The following SEC14L1 variants were observed in gnomAD, a reference collection of about 807,000 sequenced individuals.
The protein encoded by SEC14L1 is SEC14-like protein 1.
SEC14L1 carries 48 observed loss-of-function variants against 85.3 expected under a neutral mutation model. The ratio of observed to expected loss-of-function variants is 0.56; its 90% CI spans 0.45 to 0.72. SEC14L1 has a LOEUF of 0.72. Among genes scored for constraint, SEC14L1 ranks in the 30% least tolerant of loss-of-function variants. SEC14L1 has a pLI of 0.00. For synonymous variants in SEC14L1, 391 were observed against 355.5 expected, an observed-to-expected ratio of 1.10 and a Z score of -1.12; for missense variants, 682 against 921.4, an observed-to-expected ratio of 0.74 and a Z score of 3.36.
intron 3 of SEC14L1, among the ~76,000 whole-genome samples, chr17:77,157,782 T>A (rs1195039007): frequency 6.6e-6 from 1 of 152,192 alleles, no homozygotes; most frequent in Non-Finnish European, 1.5e-5. Context: ...TGCCTTGGCC[T>A]CCCAAAGTAT....
At chr17:77,203,342 A>T (rs559601196) in intron 9 of SEC14L1, among the ~76,000 whole-genome samples, 216 of 152,292 alleles carry the variant, frequency 1.4e-3, no homozygotes, top group African/African-American at 5.1e-3. Context: ...GACCCTGCAC[A>T]GCTACCCTGT....
Position 77,200,682 on chromosome 17 carries a change from T to A in SEC14L1, c.1009+9T>A. 6.2e-7 allele frequency: 1 copy of A among 1,609,234 alleles called. No individual in the cohort carries two copies. The highest frequency in any genetic ancestry group is 1.3e-5 in the African/African-American group (1 of 74,816). On this transcript the variant is annotated intron_variant, in intron 9 of 16. Coordinates refer to ENST00000436233, the MANE Select transcript of SEC14L1 (RefSeq NM_001143998.2). ...GCATCATCACGACAAAGGTACCGGA[T>A]GGAGTTGAAACTGTGTTTCCATCGT... is the stretch of plus-strand genomic sequence containing the variant.
At chr17:77,151,786 T>C (rs1288337568) in intron 3 of SEC14L1, among the ~76,000 whole-genome samples, 2 of 152,304 alleles carry the variant, frequency 1.3e-5, no homozygotes, top group East Asian at 1.9e-4. Flanking sequence ...GAGGATGGCT[T>C]GAGGCCAGGA....
At chr17:77,180,778 T>C (rs528049408) in intron 3 of SEC14L1, among the ~76,000 whole-genome samples, 2 of 152,250 alleles carry the variant, frequency 1.3e-5, no homozygotes, top group African/African-American at 4.8e-5. Context: ...CCGTAACTGC[T>C]GGGATCCTGA....
chr17:77,209,573 C>T (rs1976642098), intron 14 of SEC14L1, 97 bp downstream of exon 14: 2 of 1,328,064 alleles, frequency 1.5e-6, no homozygotes, highest in Non-Finnish European at 2.0e-6. Context: ...CAGAACAGTC[C>T]ACTCGTTTTT....
At chr17:77,140,178 T>C (rs1022790746), upstream of SEC14L1, among the ~76,000 whole-genome samples, 3 of 152,154 alleles carry the variant, frequency 2.0e-5, no homozygotes, top group African/African-American at 7.2e-5. Context: ...GGATTGAAAA[T>C]TGGGGCTGGA....
rs775273700 is a variant in SEC14L1, at chr17:77,213,464, A to G, written c.2014A>G (p.Thr672Ala). ...SSHKCKVMYY[T>A]EVIGSEDFRG... ...GCACAAGTGTAAAGTGATGTACTAC[A>G]CCGAGGTGATCGGCTCGGAGGATTT... is the stretch of plus-strand genomic sequence containing the variant. Residue 672 changes from threonine to alanine, a missense_variant, in exon 16 of 17, where the codon ACC becomes GCC. Thr to Ala is a moderately conservative substitution (Grantham distance 58). Transcript: ENST00000436233. The surrounding 1 kb of genome is among the most constrained non-coding windows in gnomAD (Gnocchi z 7.1). 1.2e-6 allele frequency: 2 copies of G among 1,611,554 alleles called. No individual in the cohort carries two copies. The highest frequency in any genetic ancestry group is 8.5e-7 in the Non-Finnish European group (1 of 1,180,032).
At chr17:77,108,526 C>T (rs558852598) in intron 3 of SEC14L1, among the ~76,000 whole-genome samples, 1 of 152,164 alleles carries the variant, frequency 6.6e-6, no homozygotes, top group African/African-American at 2.4e-5. Flanking sequence ...GGCTTGAGGT[C>T]AGGAGTTTGA....
At chr17:77,185,958 CAT>C (rs1483240975) in intron 3 of SEC14L1, among the ~76,000 whole-genome samples, 1 of 152,118 alleles carries the variant, frequency 6.6e-6, no homozygotes, top group African/African-American at 2.4e-5. Context: ...GGATTCAGAA[CAT>C]GTTTGAGTAG....
intron 3 of SEC14L1, among the ~76,000 whole-genome samples, chr17:77,131,992 C>T (rs1226158698): frequency 6.6e-6 from 1 of 152,110 alleles, no homozygotes; most frequent in Non-Finnish European, 1.5e-5. Flanking sequence ...GAAGTTTTCC[C>T]AGGTCGGGAA....
chr17:77,141,794 T>G (rs1384894703), intron 1 of SEC14L1: 1 of 152,234 alleles, frequency 6.6e-6, no homozygotes, highest in Non-Finnish European at 1.5e-5. Context: ...AGCATTACGC[T>G]TTTTTGCTTC....
chr17:77,133,668 G>A (rs1972685917), intron 3 of SEC14L1, among the ~76,000 whole-genome samples: 1 of 152,164 alleles, frequency 6.6e-6, no homozygotes, highest in Non-Finnish European at 1.5e-5. Flanking sequence ...GCTGGGCACG[G>A]TGGCTCACCC....
chr17:77,107,534 GA>G (rs926838279), intron 3 of SEC14L1, among the ~76,000 whole-genome samples: 29 of 152,312 alleles, frequency 1.9e-4, no homozygotes, highest in African/African-American at 7.0e-4. Flanking sequence ...GAAAAGGAGA[GA>G]GGGGGAGAGA....
intron 3 of SEC14L1, among the ~76,000 whole-genome samples, chr17:77,170,112 A>G (rs1974461205): frequency 6.6e-6 from 1 of 152,238 alleles, no homozygotes; most frequent in Non-Finnish European, 1.5e-5. Flanking sequence ...CCCACAGGGC[A>G]TAACAAGACA....
chr17:77,169,011 T>G (rs1418531493), intron 3 of SEC14L1, among the ~76,000 whole-genome samples: 1 of 23,698 alleles, frequency 4.2e-5, no homozygotes, highest in African/African-American at 1.9e-4. Flanking sequence ...GAGCATCTTT[T>G]TTTTTTTTTT....
chr17:77,164,251 C>T (rs900779912), intron 3 of SEC14L1, among the ~76,000 whole-genome samples: 3 of 152,202 alleles, frequency 2.0e-5, no homozygotes, highest in African/African-American at 4.8e-5. Flanking sequence ...CAGCCCACGG[C>T]GCTCAGGCAC....
chr17:77,133,667 G>A (rs1972685728), intron 3 of SEC14L1, among the ~76,000 whole-genome samples: 1 of 152,028 alleles, frequency 6.6e-6, no homozygotes, highest in Non-Finnish European at 1.5e-5. Flanking sequence ...TGCTGGGCAC[G>A]GTGGCTCACC....
intron 3 of SEC14L1, among the ~76,000 whole-genome samples, chr17:77,173,056 A>G (rs1308717042): frequency 1.3e-5 from 2 of 152,158 alleles, no homozygotes; most frequent in African/African-American, 2.4e-5. Flanking sequence ...CAGCCCAAGT[A>G]TATATCTGGG....
intron 13 of SEC14L1, among the ~76,000 whole-genome samples, chr17:77,208,731 A>G (rs188246146): frequency 2.0e-5 from 3 of 152,344 alleles, no homozygotes; most frequent in East Asian, 1.9e-4. Context: ...GTTGCTTCCC[A>G]AGGCTAATAG....
Sources: allele counts gnomAD v4.1 joint callset (sites outside exome capture counted in the v4.1 genomes callset), GRCh38; gene constraint gnomAD v4.1.1; non-coding constraint Gnocchi (gnomAD v3.1); transcripts MANE v1.5; gene names NCBI Gene and HGNC (gene_info 2026-07-23, HGNC 2026-07-21).